Variants in PDCD4 observed in about 807,000 individuals in gnomAD.
PDCD4 encodes programmed cell death protein 4.
PDCD4 carries 56 observed loss-of-function variants against 54.0 expected under a neutral mutation model. The ratio of observed to expected loss-of-function variants is 1.04; its 90% CI spans 0.84 to 1.30. The LOEUF (loss-of-function observed/expected upper bound fraction) is 1.30. Among genes scored for constraint, PDCD4 ranks in the 50% most tolerant of loss-of-function variants. The pLI is 0.00. For synonymous variants in PDCD4, 186 were observed against 194.8 expected (o/e 0.95, Z 0.37); for missense variants, 584 against 559.8 (o/e 1.04, Z -0.44).
At chr10:110,891,668 G>GTGTT (rs1342789108) in intron 8 of PDCD4, among the ~76,000 whole-genome samples, 1 of 152,100 alleles carries the variant, frequency 6.6e-6, no homozygotes, top group Non-Finnish European at 1.5e-5. Context: ...GTGTGTGTGT[G>GTGTT]TGTTTGTGTA....
intron 8 of PDCD4, among the ~76,000 whole-genome samples, chr10:110,891,535 A>C (rs536458899): frequency 3.5e-4 from 53 of 151,056 alleles, no homozygotes; most frequent in Admixed American, 7.3e-4. Flanking sequence ...AAAACTCCTT[A>C]TCTGCAGATC....
rs1845651606 is a variant in PDCD4 at position 110,885,236 on chromosome 10, C to T, written c.442-17C>T. 8.5e-7 allele frequency: 1 copy of T among 1,174,344 alleles called. No homozygotes were observed. Among genetic ancestry groups the T allele is most frequent in the South Asian group, 1.3e-5 (1 of 77,068 alleles). The allele number at this position is 1,174,344 out of a possible 1,614,324, so 72.7% of individuals were successfully genotyped here. Reference sequence around the variant, plus strand: ...CATTTTGTTTTTTATAACTCTTACTCCCTTTTCCCCTCAAAGGAGAACTGT... The same window carrying T: ...CATTTTGTTTTTTATAACTCTTACTTCCTTTTCCCCTCAAAGGAGAACTGT... On this transcript the variant is annotated splice_polypyrimidine_tract_variant and intron_variant, in intron 4 of 11. Transcript: ENST00000280154.
intron 8 of PDCD4, 129 bp from the exon 9 acceptor site, chr10:110,893,962 T>C: frequency 3.5e-6 from 2 of 575,760 alleles, no homozygotes; most frequent in Non-Finnish European, 3.2e-6. Flanking sequence ...CCACATCCAA[T>C]GTATATGTTA....
chr10:110,879,847 T>C (rs58514453), intron 2 of PDCD4, among the ~76,000 whole-genome samples: 3,591 of 152,296 alleles, frequency 0.024, 108 homozygotes, highest in East Asian at 0.15. Context: ...AAAACATTCC[T>C]ACCTTCCTAA....
At chr10:110,892,980 A>G (rs1845778080) in intron 8 of PDCD4, among the ~76,000 whole-genome samples, 1 of 152,050 alleles carries the variant, frequency 6.6e-6, no homozygotes, top group South Asian at 2.1e-4. Flanking sequence ...CCAATTGCCT[A>G]TATTATTCAA....
At chr10:110,872,606 C>T (rs1449148791) in intron 1 of PDCD4, among the ~76,000 whole-genome samples, 1 of 152,218 alleles carries the variant, frequency 6.6e-6, no homozygotes, top group African/African-American at 2.4e-5. Flanking sequence ...TGCGGGAGAA[C>T]AGGCCCGGCC....
At chr10:110,872,099 T>TGGGAGG (rs1845417581) in intron 1 of PDCD4, 81 bp downstream of exon 1, 1 of 152,172 alleles carries the variant, frequency 6.6e-6, no homozygotes, top group South Asian at 2.1e-4. Context: ...AGCCGCAAGA[T>TGGGAGG]GGGAGGGGGC....
intron 1 of PDCD4, among the ~76,000 whole-genome samples, chr10:110,874,376 A>G (rs946843784): frequency 2.0e-5 from 3 of 152,220 alleles, no homozygotes; most frequent in South Asian, 2.1e-4. Flanking sequence ...TGAAACACGT[A>G]TCATATGACA....
intron 11 of PDCD4, 33 bp from the exon 12 acceptor site, chr10:110,897,995 C>G (rs367791696): frequency 2.0e-5 from 29 of 1,482,018 alleles, no homozygotes; most frequent in Non-Finnish European, 2.5e-5. Flanking sequence ...GAATTTGTAT[C>G]TGTTTTCATG....
At chr10:110,886,190 C>A (rs906293637) in intron 5 of PDCD4, among the ~76,000 whole-genome samples, 1 of 152,098 alleles carries the variant, frequency 6.6e-6, no homozygotes, top group African/African-American at 2.4e-5. Context: ...ATACGTGAAA[C>A]GTTCTGTTAT....
Position 110,890,621 on chromosome 10 carries a change from T to C in PDCD4, c.941T>C (p.Val314Ala). The C allele has an allele frequency of 6.2e-7, 1 of 1,613,532 alleles. No homozygotes were observed. The highest frequency in any genetic ancestry group is 8.5e-7 in the Non-Finnish European group (1 of 1,179,600). Residue 314 changes from valine to alanine, a missense_variant, in exon 8 of 12, where the codon GTG becomes GCG. Coordinates refer to ENST00000280154, the MANE Select transcript of PDCD4 (RefSeq NM_014456.5). ...AAAGGTGGAAAGCGTAAAGATAGTG[T>C]GTGGGGCTCTGGAGGTGGGCAGCAA... is the stretch of plus-strand genomic sequence containing the variant. ...MSKGGKRKDS[V>A]WGSGGGQQSV...
intron 11 of PDCD4, among the ~76,000 whole-genome samples, chr10:110,897,676 G>A (rs572458690): frequency 6.6e-6 from 1 of 152,050 alleles, no homozygotes; most frequent in African/African-American, 2.4e-5. Flanking sequence ...TTATGTTAGT[G>A]TTTCCTATTT....
chr10:110,890,562 TCTGG>T lies in PDCD4; in HGVS notation c.883_886del (p.Leu295IlefsTer7). 6.2e-7 allele frequency: 1 copy of T among 1,605,912 alleles called. No homozygotes were observed. Among genetic ancestry groups the T allele is most frequent in the Non-Finnish European group, 8.5e-7 (1 of 1,174,302 alleles). On this transcript the variant is annotated frameshift_variant, in exon 8 of 12. Coordinates refer to ENST00000280154, the MANE Select transcript of PDCD4 (RefSeq NM_014456.5). LOFTEE classifies it high-confidence loss of function. ...TTTTTTTCTTTCTCTGTAGAGCTGCTCTGGATAAGGCTACCGTGCTTCTGAGTAT... is the reference window on the plus strand; with the variant it reads ...TTTTTTTCTTTCTCTGTAGAGCTGCTATAAGGCTACCGTGCTTCTGAGTAT...
chr10:110,894,332 A>C (rs1845798776), intron 9 of PDCD4, 80 bp from the exon 10 acceptor site: 1 of 890,568 alleles, frequency 1.1e-6, no homozygotes, highest in Non-Finnish European at 1.8e-6. Flanking sequence ...TTCTACGATT[A>C]CAGAAGGCAT....
At position 110,877,775 on chromosome 10, in the gene PDCD4, C is replaced by A. The variant is rs151327130; in HGVS notation, c.43+1705C>A. On this transcript the variant is annotated intron_variant, in intron 2 of 11. Transcript: ENST00000280154. ...TCTTCACATAGCAAATAGTCCAAGT[C>A]ACACTCTTACTCTTTTACTTGGAGG... is the stretch of plus-strand genomic sequence containing the variant. 2.4e-3 allele frequency among the ~76,000 whole-genome samples: 360 copies of A among 152,280 alleles called. 2 individuals are homozygous for A. The highest frequency in any genetic ancestry group is 8.3e-3 in the African/African-American group (344 of 41,570).
In PDCD4 at chr10:110,894,443, A is replaced by G; in HGVS notation, c.1130A>G (p.Glu377Gly). Residue 377 changes from glutamate to glycine, a missense_variant, in exon 10 of 12, where the codon GAA becomes GGA. Transcript: ENST00000280154. Reference sequence around the variant, plus strand: ...ATAATGGTTTTAGAGTCAACTGGAGAAAGTACATTTAAGATGATTTTGGAT... The same window carrying G: ...ATAATGGTTTTAGAGTCAACTGGAGGAAGTACATTTAAGATGATTTTGGAT... ...AIIMVLESTG[E>G]STFKMILDLL... 6.4e-7 allele frequency: 1 copy of G among 1,572,862 alleles called. No individual in the cohort carries two copies. Among genetic ancestry groups the G allele is most frequent in the Non-Finnish European group, 8.7e-7 (1 of 1,143,720 alleles).
chr10:110,896,021 G>T lies in PDCD4; in HGVS notation c.1283G>T (p.Arg428Leu), dbSNP rs754874118. ...DVPHSYSVLE[R>L]FVEECFQAGI... ...CCACATTCATACTCTGTGCTGGAGC[G>T]GTTTGTAGAAGAATGTTTTCAGGCT... Residue 428 changes from arginine to leucine, a missense_variant, in exon 11 of 12, where the codon CGG becomes CTG. Coordinates refer to ENST00000280154, the MANE Select transcript of PDCD4 (RefSeq NM_014456.5). The T allele has an allele frequency of 3.7e-6, 6 of 1,609,522 alleles. No homozygotes were observed. In the East Asian group the frequency reaches 1.3e-4, roughly 36 times the overall value.
intron 8 of PDCD4, among the ~76,000 whole-genome samples, chr10:110,891,547 C>T (rs567264511): frequency 6.9e-4 from 104 of 151,210 alleles, no homozygotes; most frequent in African/African-American, 2.4e-3. Context: ...CTGCAGATCT[C>T]TTTAAGAAAA....
Position 110,899,776 on chromosome 10 carries a change from CAA to C in PDCD4, c.*1689_*1690del, listed in dbSNP as rs1367550079. On this transcript the variant is annotated 3_prime_UTR_variant, in exon 12 of 12. Transcript: ENST00000280154. Reference sequence around the variant, plus strand: ...GGTGCCATTGCTCTCGTTTGGGCAACAAGAGTGAAACTCTTGTCTCAAAAAAA... The same window carrying C: ...GGTGCCATTGCTCTCGTTTGGGCAACGAGTGAAACTCTTGTCTCAAAAAAA... 7.3e-6 allele frequency: 1 copy of C among 137,414 alleles called. No individual in the cohort carries two copies. Among genetic ancestry groups the C allele is most frequent in the Admixed American group, 7.5e-5 (1 of 13,284 alleles). The allele number at this position is 137,414 out of a possible 1,614,324, so 8.5% of individuals were successfully genotyped here. A position where few individuals can be genotyped will look rare whatever the true frequency, so the allele number is the denominator to read the frequency against.
Sources: gnomAD v4.1 joint callset for allele counts (sites outside exome capture counted in the v4.1 genomes callset) on GRCh38, gnomAD v4.1.1 for gene constraint, MANE v1.5 for transcripts, NCBI Gene and HGNC (gene_info 2026-07-23, HGNC 2026-07-21) for gene names.